Variants in SLC38A9 observed in about 807,000 individuals in gnomAD.
SLC38A9 encodes the protein solute carrier family 38 member 9, also known as neutral amino acid transporter 9.
Under a neutral mutation model 62.3 loss-of-function variants are expected in SLC38A9, and 48 were observed. That is an observed-to-expected ratio of 0.77 (90% CI 0.61 to 0.98). The LOEUF is 0.98. SLC38A9 is among the 50% of genes least tolerant of loss of function. The pLI, the probability that SLC38A9 is intolerant of heterozygous loss-of-function variation, is 0.00. For missense variants in SLC38A9, 541 were observed against 679.8 expected, an observed-to-expected ratio of 0.80 and a Z score of 2.27; for synonymous variants, 204 against 227.7, an observed-to-expected ratio of 0.90 and a Z score of 0.94.
At chr5:55,673,937 C>T (rs968707267) in intron 3 of SLC38A9, among the ~76,000 whole-genome samples, 1 of 152,158 alleles carries the variant, frequency 6.6e-6, no homozygotes, top group Non-Finnish European at 1.5e-5. Context: ...GTCTCCAACT[C>T]CTGACCTCAG....
chr5:55,669,671 C>T (rs1406794462), intron 5 of SLC38A9, 51 bp from the exon 6 acceptor site: 6 of 1,590,192 alleles, frequency 3.8e-6, no homozygotes, highest in East Asian at 2.2e-5. Flanking sequence ...ACTCTTCAAA[C>T]ATTTTAATTG....
chr5:55,682,461 A>T (rs898706543), intron 3 of SLC38A9, among the ~76,000 whole-genome samples: 6 of 152,192 alleles, frequency 3.9e-5, no homozygotes, highest in Non-Finnish European at 7.3e-5. Context: ...GGATGAGTTC[A>T]ATTTGTATTT....
chr5:55,660,317 G>A (rs1461794958), intron 8 of SLC38A9, among the ~76,000 whole-genome samples: 1 of 152,078 alleles, frequency 6.6e-6, no homozygotes, highest in Non-Finnish European at 1.5e-5. Flanking sequence ...GGAGGCTGAG[G>A]TGAGAGGATC....
chr5:55,664,620 G>T, intron 8 of SLC38A9, 73 bp downstream of exon 8: 1 of 805,658 alleles, frequency 1.2e-6, no homozygotes, highest in Non-Finnish European at 1.8e-6. Flanking sequence ...TAGAATTTAA[G>T]GCTAGAACTA....
chr5:55,694,371 ATCT>A (rs1755156441), intron 3 of SLC38A9, among the ~76,000 whole-genome samples: 1 of 152,172 alleles, frequency 6.6e-6, no homozygotes, highest in African/African-American at 2.4e-5. Context: ...CTTTTGTGAC[ATCT>A]TCTGGTAAGA....
intron 8 of SLC38A9, among the ~76,000 whole-genome samples, chr5:55,663,716 G>A (rs1328878440): frequency 2.0e-5 from 3 of 152,088 alleles, no homozygotes; most frequent in African/African-American, 7.2e-5. Flanking sequence ...CTGGGTGACA[G>A]AGCAAGACTC....
intron 5 of SLC38A9, 29 bp from the exon 6 acceptor site, chr5:55,669,649 A>T: frequency 6.3e-7 from 1 of 1,596,794 alleles, no homozygotes; most frequent in Non-Finnish European, 8.5e-7. Flanking sequence ...AGCAGTAAAA[A>T]AATGGAGTTT....
chr5:55,629,344 G>A (rs926744858), intron 14 of SLC38A9, among the ~76,000 whole-genome samples: 59 of 152,130 alleles, frequency 3.9e-4, no homozygotes, highest in Non-Finnish European at 2.4e-4. Context: ...GACTACAGGT[G>A]TGTGTCACCA....
chr5:55,701,144 C>CT (rs1756593690), intron 2 of SLC38A9, among the ~76,000 whole-genome samples: 1 of 152,142 alleles, frequency 6.6e-6, no homozygotes, highest in East Asian at 1.9e-4. Context: ...CCATATTAGA[C>CT]AGTATAGACA....
intron 2 of SLC38A9, chr5:55,703,901 G>C (rs193070256): frequency 3.3e-5 from 5 of 152,306 alleles, no homozygotes; most frequent in Admixed American, 2.6e-4. Flanking sequence ...TGTAATCCCA[G>C]CACTTCGGGA....
intron 8 of SLC38A9, among the ~76,000 whole-genome samples, chr5:55,659,370 C>A (rs1316663054): frequency 2.1e-5 from 3 of 144,182 alleles, no homozygotes; most frequent in African/African-American, 7.6e-5. Context: ...ATTAAAAAAA[C>A]TGGAAAGGTT....
chr5:55,651,960 CAA>C (rs757551549), intron 10 of SLC38A9, among the ~76,000 whole-genome samples: 1 of 84,048 alleles, frequency 1.2e-5, no homozygotes. Flanking sequence ...ATTCATGTCT[CAA>C]AAAAAAAAAA....
intron 9 of SLC38A9, among the ~76,000 whole-genome samples, chr5:55,653,155 G>A (rs1239673040): frequency 2.6e-5 from 4 of 151,934 alleles, no homozygotes; most frequent in African/African-American, 4.8e-5. Flanking sequence ...TTAGTAGAGA[G>A]GGCATTTTAC....
At chr5:55,700,179 A>G (rs1268193647) in intron 2 of SLC38A9, among the ~76,000 whole-genome samples, 1 of 151,992 alleles carries the variant, frequency 6.6e-6, no homozygotes, top group Non-Finnish European at 1.5e-5. Flanking sequence ...CGTCTCTACT[A>G]AAAACATAAA....
At chr5:55,635,451 A>G (rs1389729376) in intron 13 of SLC38A9, 93 bp downstream of exon 13, 1 of 892,340 alleles carries the variant, frequency 1.1e-6, no homozygotes, top group Non-Finnish European at 1.9e-6. Flanking sequence ...ACCCAGGCCT[A>G]TCTGATGTTA....
intron 12 of SLC38A9, among the ~76,000 whole-genome samples, chr5:55,640,957 C>T (rs1745364926): frequency 6.6e-6 from 1 of 152,266 alleles, no homozygotes; most frequent in Admixed American, 6.5e-5. Flanking sequence ...CTGCCTCAGC[C>T]TCCCTACTAG....
At chr5:55,691,346 T>A (rs921975012) in intron 3 of SLC38A9, 4 of 1,433,380 alleles carry the variant, frequency 2.8e-6, no homozygotes, top group Non-Finnish European at 3.7e-6. Context: ...AAGAAAAATA[T>A]GGTTTACAAA....
At chr5:55,677,916 T>TC (rs1752347299) in intron 3 of SLC38A9, among the ~76,000 whole-genome samples, 2 of 52,826 alleles carry the variant, frequency 3.8e-5, no homozygotes, top group South Asian at 1.8e-3. Context: ...CAATACTTTT[T>TC]TTTTCTTTAT....
chr5:55,686,479 C>T (rs1434926792), intron 3 of SLC38A9, among the ~76,000 whole-genome samples: 2 of 151,856 alleles, frequency 1.3e-5, no homozygotes, highest in African/African-American at 2.4e-5. Flanking sequence ...TTGTTTTTTC[C>T]TGTGAATGTG....
Sources: gnomAD v4.1 joint callset for allele counts (sites outside exome capture counted in the v4.1 genomes callset) on GRCh38, gnomAD v4.1.1 for gene constraint, MANE v1.5 for transcripts, NCBI Gene and HGNC (gene_info 2026-07-23, HGNC 2026-07-21) for gene names.